STX18: variants seen among roughly 807,000 people sequenced by gnomAD.
The protein encoded by STX18 is syntaxin-18.
In STX18, 40 loss-of-function variants were observed where a neutral mutation model predicts 50.1. That is an observed-to-expected ratio of 0.80 (90% CI 0.62 to 1.04). STX18 has a LOEUF of 1.04. STX18 is among the 50% of genes least tolerant of loss of function. The pLI, the probability that STX18 is intolerant of heterozygous loss-of-function variation, is 0.00. For synonymous variants in STX18, 158 were observed against 151.8 expected (o/e 1.04, Z -0.30); for missense variants, 410 against 415.8 (o/e 0.99, Z 0.12).
chr4:4,436,408 C>G (rs907629295), intron 6 of STX18, among the ~76,000 whole-genome samples: 4 of 151,832 alleles, frequency 2.6e-5, no homozygotes, highest in Non-Finnish European at 5.9e-5. Context: ...ATCTACCCCC[C>G]ACCCCCACCT....
intron 1 of STX18, among the ~76,000 whole-genome samples, chr4:4,491,150 C>A (rs1014752030): frequency 5.3e-5 from 8 of 151,698 alleles, no homozygotes; most frequent in African/African-American, 1.9e-4. Context: ...TGTTTTCTTT[C>A]CCTGTTTTGC....
chr4:4,521,498 G>A (rs1412125660), intron 1 of STX18, among the ~76,000 whole-genome samples: 3 of 152,126 alleles, frequency 2.0e-5, no homozygotes, highest in African/African-American at 4.8e-5. Context: ...CTTTTAGAGC[G>A]GGGGAGGATA....
rs1264256115 is a variant in STX18 at position 4,420,721 on chromosome 4, C to T, written c.912+143G>A. ...TGGTGGGTCTCATGAACACACGCAG[C>T]TCCGCGGTCACACAATTTTGTGATC... is the stretch of plus-strand genomic sequence containing the variant. On this transcript the variant is annotated intron_variant, in intron 10 of 10. Coordinates refer to ENST00000306200, the MANE Select transcript of STX18 (RefSeq NM_016930.4). This position sits in a 1 kb window ranked among gnomAD's most constrained non-coding sequence, Gnocchi z 4.3. The T allele has an allele frequency of 1.4e-6, 1 of 732,668 alleles. No homozygotes were observed. The highest frequency in any genetic ancestry group is 2.6e-5 in the East Asian group (1 of 39,012). 45.4% of individuals were successfully genotyped at this position (732,668 alleles called of 1,614,324 possible).
At chr4:4,432,877 C>T (rs541809007) in intron 7 of STX18, among the ~76,000 whole-genome samples, 304 of 152,394 alleles carry the variant, frequency 2.0e-3, no homozygotes, top group African/African-American at 6.7e-3. Flanking sequence ...CTCACGAGAG[C>T]AGACATGTGG....
At chr4:4,450,415 G>A (rs571643894) in intron 5 of STX18, among the ~76,000 whole-genome samples, 2 of 152,268 alleles carry the variant, frequency 1.3e-5, no homozygotes, top group South Asian at 2.1e-4. Flanking sequence ...TGCACCTCCC[G>A]AGTCAAGTGA....
At chr4:4,477,974 A>C (rs1215622327) in intron 1 of STX18, 1 of 152,212 alleles carries the variant, frequency 6.6e-6, no homozygotes, top group Non-Finnish European at 1.5e-5. Flanking sequence ...CGTACGAATT[A>C]GACATTACCT....
At chr4:4,539,534 AATGT>A (rs1347491892) in intron 1 of STX18, among the ~76,000 whole-genome samples, 1 of 152,196 alleles carries the variant, frequency 6.6e-6, no homozygotes, top group Non-Finnish European at 1.5e-5. Context: ...TGCTTAAAAG[AATGT>A]ATGTTTCCTC....
chr4:4,536,924 T>C (rs757252122), intron 1 of STX18, among the ~76,000 whole-genome samples: 2 of 152,230 alleles, frequency 1.3e-5, no homozygotes, highest in Non-Finnish European at 2.9e-5. Flanking sequence ...ATCTCTGCAG[T>C]TATCTAATCG....
At chr4:4,438,307 G>T in intron 6 of STX18, 87 bp downstream of exon 6, 1 of 999,680 alleles carries the variant, frequency 1.0e-6, no homozygotes, top group Non-Finnish European at 1.5e-6. Flanking sequence ...ACATGTCTGA[G>T]ACTGTGCTAC....
In STX18 at chr4:4,471,887, T is replaced by C. The variant is rs563733887; in HGVS notation, c.169-181A>G. Among the ~76,000 whole-genome samples, 205 of 152,348 alleles carry C rather than the reference T, an allele frequency of 1.3e-3. 4 individuals carry two copies. The highest frequency in any genetic ancestry group is 0.013 in the Admixed American group (201 of 15,308). On this transcript the variant is annotated intron_variant, in intron 1 of 10. Transcript: ENST00000306200. ...GTTACCATTCCTGGGCCTCAGTCTC[T>C]CATCGATGGTTCCTTCCACCTCTAA...
chr4:4,426,887 C>T (rs1162971387), intron 7 of STX18, among the ~76,000 whole-genome samples: 1 of 152,188 alleles, frequency 6.6e-6, no homozygotes, highest in African/African-American at 2.4e-5. Flanking sequence ...TGACATCTCC[C>T]ATCTCAGCTC....
intron 1 of STX18, among the ~76,000 whole-genome samples, chr4:4,489,498 C>G (rs1728851226): frequency 7.0e-6 from 1 of 143,644 alleles, no homozygotes; most frequent in African/African-American, 2.6e-5. Flanking sequence ...AATCTGCCTG[C>G]CTCAGCCTCC....
At chr4:4,508,353 T>C (rs1239597224) in intron 1 of STX18, among the ~76,000 whole-genome samples, 1 of 152,204 alleles carries the variant, frequency 6.6e-6, no homozygotes, top group Non-Finnish European at 1.5e-5. Flanking sequence ...TTATGGCATA[T>C]ATCCTATATT....
chr4:4,493,087 T>C (rs1425250222), intron 1 of STX18, among the ~76,000 whole-genome samples: 2 of 152,220 alleles, frequency 1.3e-5, no homozygotes, highest in East Asian at 3.8e-4. Context: ...TAAATATCCA[T>C]AAAGTGCTCA....
intron 2 of STX18, among the ~76,000 whole-genome samples, chr4:4,470,722 A>G (rs1727868617): frequency 6.6e-6 from 1 of 152,304 alleles, no homozygotes; most frequent in East Asian, 1.9e-4. Context: ...CACCATGGGA[A>G]GAGGAGGAAC....
At position 4,471,716 on chromosome 4, in the gene STX18, A is replaced by G. The variant is rs1276683556; in HGVS notation, c.169-10T>C. ...TGCCAATGTGAGAAATCTAAAATTA[A>G]AAAAGAAAGCCAACAGTTTATATAG... On this transcript the variant is annotated splice_polypyrimidine_tract_variant and intron_variant, in intron 1 of 10. Transcript: ENST00000306200. The G allele has an allele frequency of 6.4e-7, 1 of 1,571,992 alleles. No individual in the cohort carries two copies. Among genetic ancestry groups the G allele is most frequent in the Non-Finnish European group, 8.6e-7 (1 of 1,164,164 alleles).
At chr4:4,508,983 T>C (rs1729868776) in intron 1 of STX18, among the ~76,000 whole-genome samples, 1 of 152,248 alleles carries the variant, frequency 6.6e-6, no homozygotes, top group Admixed American at 6.5e-5. Flanking sequence ...TTTAGGTTGA[T>C]TCCATGTCTT....
chr4:4,500,305 C>T (rs999936117), intron 1 of STX18, among the ~76,000 whole-genome samples: 10 of 152,156 alleles, frequency 6.6e-5, no homozygotes, highest in South Asian at 4.1e-4. Flanking sequence ...CACCCACATC[C>T]GTGGATTCAA....
intron 3 of STX18, among the ~76,000 whole-genome samples, chr4:4,458,115 G>A (rs956324948): frequency 3.3e-5 from 5 of 152,334 alleles, no homozygotes; most frequent in Middle Eastern, 3.4e-3. Context: ...TGCCTACTGC[G>A]TGCAGGTACT....
Sources: gnomAD v4.1 joint callset for allele counts (sites outside exome capture counted in the v4.1 genomes callset) on GRCh38, gnomAD v4.1.1 for gene constraint, Gnocchi (gnomAD v3.1) non-coding constraint, MANE v1.5 for transcripts, NCBI Gene and HGNC (gene_info 2026-07-23, HGNC 2026-07-21) for gene names.